PTPRO: variants seen among roughly 807,000 people sequenced by gnomAD.
PTPRO encodes receptor-type tyrosine-protein phosphatase O.
In PTPRO, 62 loss-of-function variants were observed where a neutral mutation model predicts 145.2. The observed-to-expected ratio is 0.43, with a 90% CI of 0.35 to 0.53. PTPRO has a LOEUF of 0.53. Ranked by LOEUF, PTPRO falls within the 20% of genes least tolerant of loss-of-function variation. The probability of loss-of-function intolerance (pLI) is 0.01; values close to 1 mark genes in which losing one functional copy is unlikely to be tolerated. For missense variants in PTPRO, 1,345 were observed against 1,482.7 expected (o/e 0.91, Z 1.53); for synonymous variants, 565 against 514.7 (o/e 1.10, Z -1.32).
chr12:15,373,466 A>G lies in PTPRO; in HGVS notation c.75+50665A>G, dbSNP rs149503572. ...AGATTTCTTAAGTTTTCAGAAGTCTATATGAATCTATTATTAATTTCACCA... is the reference window on the plus strand; with the variant it reads ...AGATTTCTTAAGTTTTCAGAAGTCTGTATGAATCTATTATTAATTTCACCA... On this transcript the variant is annotated intron_variant, in intron 1 of 26. Coordinates refer to ENST00000281171, the MANE Select transcript of PTPRO (RefSeq NM_030667.3). Among the ~76,000 whole-genome samples the G allele has an allele frequency of 7.5e-3, 1,146 of 152,284 alleles. 10 individuals carry two copies. The highest frequency in any genetic ancestry group is 0.026 in the African/African-American group (1,080 of 41,552).
chr12:15,400,269 G>T (rs931654857), intron 1 of PTPRO, among the ~76,000 whole-genome samples: 7 of 151,922 alleles, frequency 4.6e-5, no homozygotes, highest in Admixed American at 2.0e-4. Context: ...GAGATTACAG[G>T]TGTGAGCCAC....
In PTPRO at chr12:15,445,543, T is replaced by C. The variant is rs76119636; in HGVS notation, c.76-38431T>C. ...AAGCATTATGTGTCAAAAATGTATT[T>C]GGTTGAGTGTCATCAATTTCATGTG... is the stretch of plus-strand genomic sequence containing the variant. On this transcript the variant is annotated intron_variant, in intron 1 of 26. Coordinates refer to ENST00000281171, the MANE Select transcript of PTPRO (RefSeq NM_030667.3). Among the ~76,000 whole-genome samples the C allele has an allele frequency of 4.9e-3, 752 of 152,282 alleles. 9 individuals carry two copies. Among genetic ancestry groups the C allele is most frequent in the African/African-American group, 0.017 (695 of 41,564 alleles).
intron 1 of PTPRO, among the ~76,000 whole-genome samples, chr12:15,466,650 T>C (rs572550393): frequency 7.2e-5 from 11 of 152,336 alleles, no homozygotes; most frequent in African/African-American, 2.6e-4. Flanking sequence ...TTCCTCTTAA[T>C]CTCACAACAA....
At chr12:15,398,238 A>T (rs1399229470) in intron 1 of PTPRO, among the ~76,000 whole-genome samples, 1 of 152,226 alleles carries the variant, frequency 6.6e-6, no homozygotes, top group African/African-American at 2.4e-5. Flanking sequence ...GGTTGTTCAC[A>T]GCAGCACAAT....
chr12:15,532,579 G>A (rs956382606), intron 12 of PTPRO, among the ~76,000 whole-genome samples: 1 of 152,132 alleles, frequency 6.6e-6, no homozygotes, highest in Non-Finnish European at 1.5e-5. Context: ...CCTCAAGGGG[G>A]CACTAGTGCC....
intron 19 of PTPRO, among the ~76,000 whole-genome samples, chr12:15,572,165 G>A (rs976785964): frequency 1.3e-5 from 2 of 152,172 alleles, no homozygotes; most frequent in African/African-American, 2.4e-5. Flanking sequence ...GGGGGCGGAT[G>A]ATGTATTAGC....
chr12:15,433,214 G>C (rs1331802664), intron 1 of PTPRO, among the ~76,000 whole-genome samples: 1 of 132,258 alleles, frequency 7.6e-6, no homozygotes, highest in African/African-American at 2.9e-5. Flanking sequence ...TCACTCTGTC[G>C]CCCAGGCTGG....
rs1404229730 is a variant in PTPRO, at chr12:15,354,560, T to TA, written c.75+31765dup. 2.0e-5 allele frequency among the ~76,000 whole-genome samples: 3 copies of TA among 152,194 alleles called. No individual in the cohort carries two copies. The South Asian group carries it at 6.2e-4, about 31-fold the overall frequency. On this transcript the variant is annotated intron_variant, in intron 1 of 26. Transcript: ENST00000281171. ...AAAGACCTCTTTTCCATCATAAATCTAAAAAATGTTAAGATTTAAGTAGCT... is the reference window on the plus strand; with the variant it reads ...AAAGACCTCTTTTCCATCATAAATCTAAAAAAATGTTAAGATTTAAGTAGCT...
chr12:15,395,443 T>C (rs1428328063), intron 1 of PTPRO, among the ~76,000 whole-genome samples: 6 of 152,078 alleles, frequency 3.9e-5, no homozygotes, highest in African/African-American at 1.4e-4. Flanking sequence ...TAAGTCAAAA[T>C]ATAAGAGAGT....
At chr12:15,583,317 T>C (rs577649908) in intron 23 of PTPRO, among the ~76,000 whole-genome samples, 1 of 152,022 alleles carries the variant, frequency 6.6e-6, no homozygotes, top group Non-Finnish European at 1.5e-5. Flanking sequence ...CCCATCTGAC[T>C]AAAAATTCAA....
intron 14 of PTPRO, among the ~76,000 whole-genome samples, chr12:15,549,523 A>G (rs1362365963): frequency 6.6e-6 from 1 of 152,158 alleles, no homozygotes; most frequent in Non-Finnish European, 1.5e-5. Flanking sequence ...TTGCTAACTC[A>G]TCTCATCTTC....
At chr12:15,368,864 G>T (rs1017964478) in intron 1 of PTPRO, among the ~76,000 whole-genome samples, 2 of 152,188 alleles carry the variant, frequency 1.3e-5, no homozygotes, top group Non-Finnish European at 2.9e-5. Flanking sequence ...GACATAGAGG[G>T]TTGTCCCTTA....
At chr12:15,419,246 C>T (rs151210924) in intron 1 of PTPRO, among the ~76,000 whole-genome samples, 1 of 122,534 alleles carries the variant, frequency 8.2e-6, no homozygotes, top group Non-Finnish European at 1.6e-5. Context: ...GCTCCAGTAA[C>T]GATAGGAGCA....
chr12:15,359,270 G>A lies in PTPRO; in HGVS notation c.75+36469G>A, dbSNP rs142659719. 2.6e-4 allele frequency among the ~76,000 whole-genome samples: 40 copies of A among 152,226 alleles called. 1 individual carries two copies. The highest frequency in any genetic ancestry group is 2.1e-3 in the Admixed American group (32 of 15,304). On this transcript the variant is annotated intron_variant, in intron 1 of 26. Coordinates refer to ENST00000281171, the MANE Select transcript of PTPRO (RefSeq NM_030667.3). ...TATAGTAATATTGATTCTTACCCAT[G>A]TATGAGTACAGATGATATCCCCATT...
At chr12:15,554,032 T>C (rs552029836) in intron 15 of PTPRO, among the ~76,000 whole-genome samples, 1 of 152,262 alleles carries the variant, frequency 6.6e-6, no homozygotes, top group South Asian at 2.1e-4. Context: ...CTGTCTCTAC[T>C]GAAAATACAA....
rs1768531891 is a variant in PTPRO at position 15,504,054 on chromosome 12, C to T, written c.1252C>T (p.Leu418Phe). The T allele has an allele frequency of 3.7e-6, 6 of 1,612,474 alleles. No individual in the cohort carries two copies. In the South Asian group the frequency reaches 4.4e-5, roughly 12 times the overall value. ...ETRKSQSAKS[L>F]SFYISPSGEW... is the part of the protein sequence containing the mutation. ...TCGAAAAAGTCAGTCAGCAAAATCA[C>T]TCAGCTTTTATATCAGTAAGTAACA... The change falls in exon 6 of 27, where the codon CTC becomes TTC. Residue 418 changes from leucine (L) to phenylalanine (F), a missense_variant. Physicochemically the swap from Leu to Phe is conservative, Grantham distance 22. Around this residue, in one of 3 missense-constraint regions of PTPRO, gnomAD observed 1,130 missense variants for 1,214.7 expected, o/e 0.93. Coordinates refer to ENST00000281171, the MANE Select transcript of PTPRO (RefSeq NM_030667.3).
At chr12:15,420,335 A>G (rs1332072593) in intron 1 of PTPRO, among the ~76,000 whole-genome samples, 2 of 151,128 alleles carry the variant, frequency 1.3e-5, no homozygotes, top group African/African-American at 4.9e-5. Flanking sequence ...ATCTGGTTCC[A>G]CTCTCATGCC....
At chr12:15,390,956 C>T (rs145260679) in intron 1 of PTPRO, among the ~76,000 whole-genome samples, 1 of 152,308 alleles carries the variant, frequency 6.6e-6, no homozygotes, top group Non-Finnish European at 1.5e-5. Context: ...GGTTTTCAGA[C>T]AGCTGTCTTC....
intron 22 of PTPRO, 119 bp downstream of exon 22, chr12:15,580,950 A>G (rs1282864028): frequency 1.5e-6 from 2 of 1,364,956 alleles, no homozygotes; most frequent in East Asian, 4.7e-5. Flanking sequence ...CGCTAAATTT[A>G]AAACATTGTA....
Sources: allele counts gnomAD v4.1 joint callset (sites outside exome capture counted in the v4.1 genomes callset), GRCh38; gene constraint gnomAD v4.1.1; regional missense constraint gnomAD v4.1.1; transcripts MANE v1.5; gene names NCBI Gene and HGNC (gene_info 2026-07-23, HGNC 2026-07-21).